Variants in JTB observed in about 807,000 individuals in gnomAD.
JTB encodes protein JTB.
In JTB, 10 loss-of-function variants were observed where a neutral mutation model predicts 22.1. The observed-to-expected ratio is 0.45, with a 90% CI of 0.28 to 0.77. The LOEUF is 0.77. JTB is among the 30% of genes least tolerant of loss of function. The pLI is 0.13. For missense variants in JTB, 137 were observed against 180.3 expected (o/e 0.76, Z 1.38); for synonymous variants, 83 against 66.8 (o/e 1.24, Z -1.18).
Position 153,977,424 on chromosome 1 carries a change from T to C in JTB, c.-172A>G. ...CAGAGGATCTATCAGGACGTCCCCG[T>C]TGCCACAGCGAGAAAAATCGATATG... On this transcript the variant is annotated 5_prime_UTR_variant, in exon 1 of 5. Coordinates refer to ENST00000271843, the MANE Select transcript of JTB (RefSeq NM_006694.4). The C allele has an allele frequency of 1.5e-6, 2 of 1,369,058 alleles. No individual in the cohort carries two copies. The highest frequency in any genetic ancestry group is 2.8e-5 in the East Asian group (1 of 35,908). The allele number at this position is 1,369,058 out of a possible 1,614,324, so 84.8% of individuals were successfully genotyped here.
Position 153,977,196 on chromosome 1 carries a change from C to T in JTB, c.57G>A (p.Leu19=). The change falls in exon 1 of 5, where the codon TTG becomes TTA. Residue 19 remains leucine (L), a synonymous_variant. Transcript: ENST00000271843. Reference sequence around the variant, plus strand: ...AGAGCTTTAAGGTGAAAGCACAGAGCAACCAGCAGAGGTGGCGGCCCTGGG... The same window carrying T: ...AGAGCTTTAAGGTGAAAGCACAGAGTAACCAGCAGAGGTGGCGGCCCTGGG... ...GLPQGRHLCW[L]LCAFTLKLCQ... The T allele has an allele frequency of 6.2e-7, 1 of 1,614,204 alleles. No homozygotes were observed. The highest frequency in any genetic ancestry group is 8.5e-7 in the Non-Finnish European group (1 of 1,180,024).
chr1:153,976,930 C>A (rs776761848), intron 2 of JTB, 46 bp downstream of exon 2: 39 of 1,611,326 alleles, frequency 2.4e-5, no homozygotes, highest in Non-Finnish European at 3.1e-5. Flanking sequence ...ATACTAAAAC[C>A]AAAAACAAAC....
rs1648733663 is a variant in JTB at position 153,974,953 on chromosome 1, A to G, written c.285-118T>C. ...AAGAGGAAATCAGAGCCAGGCTTCTATTGTGTGTATAGTACATAAATCCCT... is the reference window on the plus strand; with the variant it reads ...AAGAGGAAATCAGAGCCAGGCTTCTGTTGTGTGTATAGTACATAAATCCCT... On this transcript the variant is annotated intron_variant, in intron 4 of 4. Transcript: ENST00000271843. The G allele has an allele frequency of 8.5e-6, 8 of 939,222 alleles. No homozygotes were observed. The Admixed American group carries it at 1.3e-4, about 15-fold the overall frequency. 58.2% of individuals were successfully genotyped at this position (939,222 alleles called of 1,614,324 possible). A position where few individuals can be genotyped will look rare whatever the true frequency, so the allele number is the denominator to read the frequency against.
At position 153,975,864 on chromosome 1, in the gene JTB, T is replaced by C. The variant is rs372293933; in HGVS notation, c.246A>G (p.Lys82=). 31 of 1,614,132 alleles carry C rather than the reference T, an allele frequency of 1.9e-5. No homozygotes were observed. In the African/African-American group the frequency reaches 3.9e-4, roughly 20 times the overall value. ...PECGPTGYVE[K]ITCSSSKRNE... ...TTCTCTTAGATGAGCTGCATGTGATTTTCTCTACATATCCTGTGGGACCAC... is the reference window on the plus strand; with the variant it reads ...TTCTCTTAGATGAGCTGCATGTGATCTTCTCTACATATCCTGTGGGACCAC... Residue 82 remains lysine (K), a synonymous_variant, in exon 4 of 5, where the codon AAA becomes AAG. Transcript: ENST00000271843.
chr1:153,975,737 T>C, intron 4 of JTB, 89 bp downstream of exon 4: 2 of 1,027,900 alleles, frequency 1.9e-6, no homozygotes, highest in Non-Finnish European at 3.0e-6. Flanking sequence ...TATTCCATGC[T>C]ACCCCCAGAC....
At chr1:153,976,636 G>A in intron 3 of JTB, 57 bp downstream of exon 3, 1 of 1,377,610 alleles carries the variant, frequency 7.3e-7, no homozygotes, top group South Asian at 1.2e-5. Context: ...TTAAGATGTT[G>A]CTTAAGTGTT....
At chr1:153,975,071 G>A (rs1327484281) in intron 4 of JTB, among the ~76,000 whole-genome samples, 1 of 152,188 alleles carries the variant, frequency 6.6e-6, no homozygotes, top group East Asian at 1.9e-4. Flanking sequence ...ACATAGTGCT[G>A]AGGAGTAGAG....
chr1:153,977,248 A>G lies in JTB; in HGVS notation c.5T>C (p.Leu2Pro), dbSNP rs1251691568. 1.9e-6 allele frequency: 3 copies of G among 1,613,956 alleles called. No individual in the cohort carries two copies. In the African/African-American group the frequency reaches 4.0e-5, roughly 22 times the overall value. MLAGAGRPGLPQ... is the reference protein window; with the variant it reads MPAGAGRPGLPQ... ...GAGGCCAGGCCTCCCGGCACCCGCA[A>G]GCATGGAGCGCCAAGTGTCGCACCT... Residue 2 changes from leucine (L) to proline (P), a missense_variant, in exon 1 of 5, where the codon CTT becomes CCT. Coordinates refer to ENST00000271843, the MANE Select transcript of JTB (RefSeq NM_006694.4).
At position 153,974,787 on chromosome 1, in the gene JTB, C is replaced by A; in HGVS notation, c.333G>T (p.Gly111=). 6.2e-7 allele frequency: 1 copy of A among 1,612,336 alleles called. No individual in the cohort carries two copies. The highest frequency in any genetic ancestry group is 8.5e-7 in the Non-Finnish European group (1 of 1,178,490). ...MEQRLFWKFE[G]AVVCVALIFA... is the part of the protein sequence containing the mutation. ...AGATCAGGGCCACACACACGACAGC[C>A]CCTTCGAACTTCCAAAATAAGCGTT... Residue 111 remains glycine, a synonymous_variant, in exon 5 of 5, where the codon GGG becomes GGT. Transcript: ENST00000271843.
chr1:153,977,441 A>G lies in JTB; in HGVS notation c.-189T>C. Reference sequence around the variant, plus strand: ...CGTCCCCGTTGCCACAGCGAGAAAAATCGATATGTTTTTGCGGGCTAGGGA... The same window carrying G: ...CGTCCCCGTTGCCACAGCGAGAAAAGTCGATATGTTTTTGCGGGCTAGGGA... On this transcript the variant is annotated 5_prime_UTR_variant, in exon 1 of 5. Coordinates refer to ENST00000271843, the MANE Select transcript of JTB (RefSeq NM_006694.4). The G allele has an allele frequency of 7.3e-7, 1 of 1,374,654 alleles. No homozygotes were observed. The highest frequency in any genetic ancestry group is 9.4e-7 in the Non-Finnish European group (1 of 1,067,452). The allele number at this position is 1,374,654 out of a possible 1,614,324, so 85.2% of individuals were successfully genotyped here.
chr1:153,976,888 T>C, intron 2 of JTB, 88 bp downstream of exon 2: 1 of 1,602,176 alleles, frequency 6.2e-7, no homozygotes, highest in Non-Finnish European at 8.6e-7. Flanking sequence ...GGTGCCGGCC[T>C]TTTCCACCTG....
chr1:153,977,648 C>A lies in JTB; in HGVS notation c.-396G>T, dbSNP rs1301607422. 5 of 1,003,442 alleles carry A rather than the reference C, an allele frequency of 5.0e-6. No homozygotes were observed. In the East Asian group the frequency reaches 5.2e-4, roughly 105 times the overall value. The allele number at this position is 1,003,442 out of a possible 1,614,324, so 62.2% of individuals were successfully genotyped here. On this transcript the variant is annotated 5_prime_UTR_variant, in exon 1 of 5. Transcript: ENST00000271843. ...CCCGGGGGCGTTCGGTCGTCGCCCG[C>A]TGGGGCTTATAGTCTTCCGCGTCGG...
chr1:153,976,291 A>G (rs1315876082), intron 3 of JTB, among the ~76,000 whole-genome samples: 1 of 152,192 alleles, frequency 6.6e-6, no homozygotes, highest in Non-Finnish European at 1.5e-5. Context: ...GTGAAACCCG[A>G]GTCTACTAAA....
intron 2 of JTB, 29 bp from the exon 3 acceptor site, chr1:153,976,804 G>A (rs749540436): frequency 5.6e-6 from 9 of 1,611,250 alleles, no homozygotes; most frequent in Middle Eastern, 1.6e-4. Context: ...GCCAGCCCCA[G>A]GCCATTCAGA....
intron 3 of JTB, among the ~76,000 whole-genome samples, chr1:153,976,235 G>A (rs898169786): frequency 6.6e-6 from 1 of 152,196 alleles, no homozygotes; most frequent in Non-Finnish European, 1.5e-5. Context: ...AGGCCGAGGC[G>A]GGCAGATCAC....
chr1:153,977,412 A>C lies in JTB; in HGVS notation c.-160T>G. On this transcript the variant is annotated 5_prime_UTR_variant, in exon 1 of 5. Coordinates refer to ENST00000271843, the MANE Select transcript of JTB (RefSeq NM_006694.4). ...TGCCTATTGGAGCAGAGGATCTATC[A>C]GGACGTCCCCGTTGCCACAGCGAGA... 7.2e-7 allele frequency: 1 copy of C among 1,396,284 alleles called. No homozygotes were observed. The highest frequency in any genetic ancestry group is 9.3e-7 in the Non-Finnish European group (1 of 1,079,752). 86.5% of individuals were successfully genotyped at this position (1,396,284 alleles called of 1,614,324 possible).
chr1:153,976,622 G>C, intron 3 of JTB, 71 bp downstream of exon 3: 1 of 1,243,026 alleles, frequency 8.0e-7, no homozygotes, highest in Non-Finnish European at 1.2e-6. Context: ...ATAAGACTTG[G>C]ATGTTAAGAT....
Position 153,974,834 on chromosome 1 carries a change from A to C in JTB, c.286T>G (p.Cys96Gly). The C allele has an allele frequency of 1.2e-6, 2 of 1,604,346 alleles. No individual in the cohort carries two copies. The highest frequency in any genetic ancestry group is 1.7e-6 in the Non-Finnish European group (2 of 1,171,868). Residue 96 changes from cysteine to glycine, a missense_variant and splice_region_variant, in exon 5 of 5, where the codon TGC becomes GGC. By Grantham distance (159) the Cys-to-Gly change is radical (BLOSUM62 -3). Coordinates refer to ENST00000271843, the MANE Select transcript of JTB (RefSeq NM_006694.4). ...SSSKRNEFKS[C>G]RSALMEQRLF... ...CGTTGTTCCATCAAAGCTGAGCGGC[A>C]GCTGAGGGCAGGAAGGAATAGTTAT...
At position 153,974,717 on chromosome 1, in the gene JTB, C is replaced by A; in HGVS notation, c.403G>T (p.Ala135Ser). ...IIRQRQLDRKALEKVRKQIES... is the reference protein window; with the variant it reads ...IIRQRQLDRKSLEKVRKQIES... ...ATTTGCTTCCGGACCTTTTCCAGAGCCTTTCTGTCCAATTGTCGCTGACGA... is the reference window on the plus strand; with the variant it reads ...ATTTGCTTCCGGACCTTTTCCAGAGACTTTCTGTCCAATTGTCGCTGACGA... Residue 135 changes from alanine to serine, a missense_variant, in exon 5 of 5, where the codon GCT becomes TCT. By Grantham distance (99) the Ala-to-Ser change is moderately conservative. Coordinates refer to ENST00000271843, the MANE Select transcript of JTB (RefSeq NM_006694.4). The A allele has an allele frequency of 1.2e-6, 2 of 1,613,644 alleles. No individual in the cohort carries two copies. The highest frequency in any genetic ancestry group is 1.7e-6 in the Non-Finnish European group (2 of 1,179,600).
Sources: allele counts gnomAD v4.1 joint callset (sites outside exome capture counted in the v4.1 genomes callset), GRCh38; gene constraint gnomAD v4.1.1; transcripts MANE v1.5; gene names NCBI Gene and HGNC (gene_info 2026-07-23, HGNC 2026-07-21).